PDCD1: variants seen among roughly 807,000 people sequenced by gnomAD.
PDCD1 encodes the protein programmed cell death protein 1.
In PDCD1, 10 loss-of-function variants were observed where a neutral mutation model predicts 23.6. The observed-to-expected ratio is 0.42, with a 90% confidence interval of 0.26 to 0.72. PDCD1 has a LOEUF of 0.72. PDCD1 is among the 30% of genes least tolerant of loss of function. The probability of loss-of-function intolerance (pLI) is 0.24; values close to 1 mark genes in which losing one functional copy is unlikely to be tolerated. For missense variants in PDCD1, 313 were observed against 397.8 expected, an observed-to-expected ratio of 0.79 and a Z score of 1.81; for synonymous variants, 168 against 169.3, an observed-to-expected ratio of 0.99 and a Z score of 0.06.
intron 1 of PDCD1, 103 bp downstream of exon 1, chr2:241,858,660 A>G: frequency 1.0e-6 from 1 of 996,910 alleles, no homozygotes. Context: ...CTGGGCTGCC[A>G]GGGCCAGGCC....
Position 241,850,764 on chromosome 2 carries a change from G to A in PDCD1, c.*294C>T, listed in dbSNP as rs1426605018. The stretch of plus-strand genomic sequence containing the variant: ...GCAGCAGCAGCAGCAGAGATTCAGG[G>A]AGCTGGACGCAGGCAGCTCTGTGCT... On this transcript the variant is annotated 3_prime_UTR_variant, in exon 5 of 5. Coordinates refer to ENST00000334409, the MANE Select transcript of PDCD1 (RefSeq NM_005018.3). 2.2e-5 allele frequency: 14 copies of A among 642,044 alleles called. No individual in the cohort carries two copies. The highest frequency in any genetic ancestry group is 4.3e-5 in the Admixed American group (2 of 46,374). 39.8% of individuals were successfully genotyped at this position (642,044 alleles called of 1,614,324 possible).
Position 241,852,762 on chromosome 2 carries a change from G to T in PDCD1, c.295C>A (p.Gln99Lys), listed in dbSNP as rs1289219569. ...TGGAAGTCACGCCCGTTGGGCAGTT[G>T]TGTGACACGGAAGCGGCAGTCCTGG... ...PGQDCRFRVT[Q>K]LPNGRDFHMS... The change falls in exon 2 of 5, where the codon CAA becomes AAA. Residue 99 changes from glutamine (Q) to lysine (K), a missense_variant. This residue lies in a region of PDCD1 where 135 missense variants were observed against 166.9 expected (regional missense o/e 0.81). Transcript: ENST00000334409. 3 of 1,613,930 alleles carry T rather than the reference G, an allele frequency of 1.9e-6. No homozygotes were observed. The highest frequency in any genetic ancestry group is 1.7e-6 in the Non-Finnish European group (2 of 1,180,034).
At chr2:241,855,737 G>A (rs1409457753) in intron 1 of PDCD1, among the ~76,000 whole-genome samples, 1 of 152,232 alleles carries the variant, frequency 6.6e-6, no homozygotes, top group Non-Finnish European at 1.5e-5. Context: ...ATCTCTGACC[G>A]TGGTCCCATT....
intron 1 of PDCD1, among the ~76,000 whole-genome samples, chr2:241,854,257 C>T (rs1439546718): frequency 6.6e-6 from 1 of 152,226 alleles, no homozygotes; most frequent in Non-Finnish European, 1.5e-5. Context: ...CTGACAAGCG[C>T]TCGCCTCCTT....
chr2:241,850,889 G>T lies in PDCD1; in HGVS notation c.*169C>A. The T allele has an allele frequency of 1.3e-6, 1 of 779,738 alleles. No individual in the cohort carries two copies. The highest frequency in any genetic ancestry group is 2.0e-6 in the Non-Finnish European group (1 of 492,562). The allele number at this position is 779,738 out of a possible 1,614,324, so 48.3% of individuals were successfully genotyped here. A position where few individuals can be genotyped will look rare whatever the true frequency, so the allele number is the denominator to read the frequency against. ...TGGGCATTGAGACATGAGTCCTGTGGTGGGGCTGTGCCTGGTGCAGGTGCA... is the reference window on the plus strand; with the variant it reads ...TGGGCATTGAGACATGAGTCCTGTGTTGGGGCTGTGCCTGGTGCAGGTGCA... On this transcript the variant is annotated 3_prime_UTR_variant, in exon 5 of 5. Coordinates refer to ENST00000334409, the MANE Select transcript of PDCD1 (RefSeq NM_005018.3).
intron 1 of PDCD1, among the ~76,000 whole-genome samples, chr2:241,857,349 G>A (rs936599796): frequency 3.9e-5 from 6 of 152,132 alleles, no homozygotes; most frequent in Middle Eastern, 3.2e-3. Flanking sequence ...GCACAAGCGC[G>A]GGCACCTGAG....
chr2:241,851,806 G>A (rs996820467), intron 4 of PDCD1, 143 bp downstream of exon 4: 10 of 861,832 alleles, frequency 1.2e-5, no homozygotes, highest in Non-Finnish European at 1.9e-5. Flanking sequence ...GATTGAGGTT[G>A]CTGCCTGGGG....
intron 3 of PDCD1, 24 bp downstream of exon 3, chr2:241,852,174 G>A: frequency 6.2e-7 from 1 of 1,601,920 alleles, no homozygotes; most frequent in Non-Finnish European, 8.5e-7. Context: ...GGCAGGGCAG[G>A]CCGAGGGGCT....
intron 1 of PDCD1, among the ~76,000 whole-genome samples, chr2:241,857,337 C>T (rs919007401): frequency 6.6e-6 from 1 of 152,168 alleles, no homozygotes; most frequent in Non-Finnish European, 1.5e-5. Flanking sequence ...GAGTCTTGTC[C>T]GGCACAAGCG....
chr2:241,852,079 T>C, intron 3 of PDCD1, 96 bp from the exon 4 acceptor site: 2 of 348,582 alleles, frequency 5.7e-6, no homozygotes, highest in South Asian at 5.8e-5. Flanking sequence ...GGACTTAGCC[T>C]GGCGGGGAGA....
At chr2:241,857,991 C>T (rs1701062853) in intron 1 of PDCD1, among the ~76,000 whole-genome samples, 1 of 152,198 alleles carries the variant, frequency 6.6e-6, no homozygotes, top group African/African-American at 2.4e-5. Flanking sequence ...GCTGTGGTCA[C>T]AGTGTACACA....
In PDCD1 at chr2:241,850,772, C is replaced by A; in HGVS notation, c.*286G>T. ...AGCAGCAGAGATTCAGGGAGCTGGA[C>A]GCAGGCAGCTCTGTGCTGGCAGGAC... On this transcript the variant is annotated 3_prime_UTR_variant, in exon 5 of 5. Transcript: ENST00000334409. The A allele has an allele frequency of 1.6e-6, 1 of 644,070 alleles. No individual in the cohort carries two copies. The highest frequency in any genetic ancestry group is 2.8e-6 in the Non-Finnish European group (1 of 350,898). The allele number at this position is 644,070 out of a possible 1,614,324, so 39.9% of individuals were successfully genotyped here.
rs41501648 is a variant in PDCD1, at chr2:241,853,003, G to T, written c.77-23C>A. On this transcript the variant is annotated intron_variant, in intron 1 of 4. Coordinates refer to ENST00000334409, the MANE Select transcript of PDCD1 (RefSeq NM_005018.3). Reference sequence around the variant, plus strand: ...AGTCTGAGAGATGGAGAGAGGTGAGGAAGGGGCTGGGTGGCCCCACAAAGC... The same window carrying T: ...AGTCTGAGAGATGGAGAGAGGTGAGTAAGGGGCTGGGTGGCCCCACAAAGC... 1,509 of 1,535,638 alleles carry T rather than the reference G, an allele frequency of 9.8e-4. 11 individuals carry two copies. The African/African-American group carries it at 0.019, about 19-fold the overall frequency.
At chr2:241,851,664 G>A (rs1431769812) in intron 4 of PDCD1, among the ~76,000 whole-genome samples, 4 of 151,168 alleles carry the variant, frequency 2.6e-5, no homozygotes, top group East Asian at 1.9e-4. Context: ...TATGTGGGCC[G>A]GGCACCCCCA....
chr2:241,850,425 C>T lies in PDCD1; in HGVS notation c.*633G>A. ...GCCCCACAAAGGGCCTGAGGTGCTGCCTGGGCATGTGTAAAGGTGGAGGGG... is the reference window on the plus strand; with the variant it reads ...GCCCCACAAAGGGCCTGAGGTGCTGTCTGGGCATGTGTAAAGGTGGAGGGG... On this transcript the variant is annotated 3_prime_UTR_variant, in exon 5 of 5. Coordinates refer to ENST00000334409, the MANE Select transcript of PDCD1 (RefSeq NM_005018.3). 4.1e-6 allele frequency: 1 copy of T among 243,982 alleles called. No individual in the cohort carries two copies. The highest frequency in any genetic ancestry group is 8.0e-6 in the Non-Finnish European group (1 of 124,826). 15.1% of individuals were successfully genotyped at this position (243,982 alleles called of 1,614,324 possible).
intron 1 of PDCD1, among the ~76,000 whole-genome samples, 193 bp from the exon 2 acceptor site, chr2:241,853,173 C>T (rs1017142241): frequency 4.6e-5 from 7 of 152,274 alleles, no homozygotes; most frequent in African/African-American, 9.6e-5. Context: ...CTTCCTTCTA[C>T]GTGAGGCTGC....
intron 1 of PDCD1, among the ~76,000 whole-genome samples, 179 bp downstream of exon 1, chr2:241,858,584 C>T (rs1332810408): frequency 2.0e-5 from 3 of 152,108 alleles, no homozygotes; most frequent in African/African-American, 4.8e-5. Context: ...GGGCCTGCCA[C>T]AGCACCCCCC....
rs1444056935 is a variant in PDCD1, at chr2:241,851,292, C to T, written c.633G>A (p.Glu211=). 5.0e-6 allele frequency: 8 copies of T among 1,606,154 alleles called. No individual in the cohort carries two copies. The highest frequency in any genetic ancestry group is 2.7e-5 in the African/African-American group (2 of 74,686). The change falls in exon 5 of 5, where the codon GAG becomes GAA. Residue 211 remains glutamate, a synonymous_variant. Transcript: ENST00000334409. ...GARRTGQPLK[E]DPSAVPVFSV... ...AGAACACAGGCACGGCTGAGGGGTC[C>T]TCCTTCTTTGAGGAGAAAGGGAGAG...
Position 241,852,204 on chromosome 2 carries a change from C to T in PDCD1, c.586G>A (p.Ala196Thr), listed in dbSNP as rs144217487. The T allele has an allele frequency of 4.1e-4, 661 of 1,608,006 alleles. No individual in the cohort carries two copies. The highest frequency in any genetic ancestry group is 5.1e-4 in the Non-Finnish European group (596 of 1,178,512). The change falls in exon 3 of 5, where the codon GCA becomes ACA. Residue 196 changes from alanine (A) to threonine (T), a missense_variant. Around this residue, in one of 3 missense-constraint regions of PDCD1, gnomAD observed 158 missense variants for 177.5 expected, o/e 0.89. Transcript: ENST00000334409. ...GGGGCTGGGATGACGTTACCTCGTGCGGCCCGGGAGCAGATGACGGCCAGG... is the reference window on the plus strand; with the variant it reads ...GGGGCTGGGATGACGTTACCTCGTGTGGCCCGGGAGCAGATGACGGCCAGG... ...WVLAVICSRAARGTIGARRTG... is the reference protein window; with the variant it reads ...WVLAVICSRATRGTIGARRTG...
Sources: gnomAD v4.1 joint callset for allele counts (sites outside exome capture counted in the v4.1 genomes callset) on GRCh38, gnomAD v4.1.1 for gene constraint, gnomAD v4.1.1 regional missense constraint, MANE v1.5 for transcripts, NCBI Gene and HGNC (gene_info 2026-07-23, HGNC 2026-07-21) for gene names.